The following CHRM2 variants were observed in gnomAD, a reference collection of about 807,000 sequenced individuals.
CHRM2 encodes muscarinic acetylcholine receptor M2.
A neutral mutation model predicts 25.0 loss-of-function variants in CHRM2; 8 were observed. That is an observed-to-expected ratio of 0.32 (90% confidence interval 0.19 to 0.58). The LOEUF (loss-of-function observed/expected upper bound fraction) is 0.58. Ranked by LOEUF, CHRM2 falls within the 20% of genes least tolerant of loss-of-function variation. CHRM2 has a pLI of 0.88. For missense variants in CHRM2, 440 were observed against 567.1 expected (o/e 0.78, Z 2.28); for synonymous variants, 202 against 205.7 (o/e 0.98, Z 0.15).
chr7:136,977,348 C>T (rs183108105), intron 2 of CHRM2, among the ~76,000 whole-genome samples: 1 of 152,082 alleles, frequency 6.6e-6, no homozygotes, highest in East Asian at 1.9e-4. Context: ...ATGTCCTTTG[C>T]TGATCAGCAG....
chr7:136,929,920 C>T (rs554181845), intron 2 of CHRM2, among the ~76,000 whole-genome samples: 12 of 151,980 alleles, frequency 7.9e-5, no homozygotes, highest in East Asian at 3.9e-4. Context: ...GTTAAAGAAA[C>T]CACATAGAAA....
intron 2 of CHRM2, among the ~76,000 whole-genome samples, chr7:136,978,109 G>A (rs909774790): frequency 7.9e-5 from 12 of 152,196 alleles, no homozygotes; most frequent in African/African-American, 2.6e-4. Flanking sequence ...ACTACCCATT[G>A]GGTACTATAG....
intron 2 of CHRM2, among the ~76,000 whole-genome samples, chr7:136,987,114 T>C (rs1366392811): frequency 7.1e-6 from 1 of 140,856 alleles, no homozygotes; most frequent in Non-Finnish European, 1.7e-5. Context: ...TATCCTTTCT[T>C]TTTTATTTCT....
At chr7:136,998,721 G>A (rs147712561) in intron 3 of CHRM2, among the ~76,000 whole-genome samples, 4 of 152,240 alleles carry the variant, frequency 2.6e-5, no homozygotes, top group East Asian at 1.9e-4. Context: ...CGTGAGAAAC[G>A]GAGAGGTGGT....
rs1200115971 is a variant in CHRM2, at chr7:137,017,617, T to G, written c.*1351T>G. On this transcript the variant is annotated 3_prime_UTR_variant, in exon 4 of 4. Coordinates refer to ENST00000680005, the MANE Select transcript of CHRM2 (RefSeq NM_001006630.2). Reference sequence around the variant, plus strand: ...AATTACATATTCCATATTCCTCAAATTGTCAATTCTCCCTAACATTATTTA... The same window carrying G: ...AATTACATATTCCATATTCCTCAAAGTGTCAATTCTCCCTAACATTATTTA... The G allele has an allele frequency of 1.3e-5, 2 of 151,996 alleles. No homozygotes were observed. Among genetic ancestry groups the G allele is most frequent in the African/African-American group, 4.8e-5 (2 of 41,430 alleles). The allele number at this position is 151,996 out of a possible 1,614,324, so 9.4% of individuals were successfully genotyped here. A position where few individuals can be genotyped will look rare whatever the true frequency, so the allele number is the denominator to read the frequency against.
chr7:136,938,287 C>T, intron 2 of CHRM2: 1 of 1,042,694 alleles, frequency 9.6e-7, no homozygotes, highest in Non-Finnish European at 1.5e-6. Context: ...CAGCTGCCGC[C>T]TAAGGTTGTT....
intron 2 of CHRM2, among the ~76,000 whole-genome samples, chr7:136,980,974 A>C (rs1802448185): frequency 6.6e-6 from 1 of 151,890 alleles, no homozygotes; most frequent in South Asian, 2.1e-4. Flanking sequence ...GTTACGGAGG[A>C]CTCCCTCTTT....
intron 3 of CHRM2, among the ~76,000 whole-genome samples, chr7:136,994,727 C>A (rs1237527621): frequency 6.6e-6 from 1 of 151,080 alleles, no homozygotes; most frequent in Non-Finnish European, 1.5e-5. Flanking sequence ...AAGTTATACA[C>A]AATAAAATCA....
chr7:136,935,347 G>C (rs1473622421), intron 2 of CHRM2, among the ~76,000 whole-genome samples: 1 of 152,196 alleles, frequency 6.6e-6, no homozygotes, highest in Admixed American at 6.5e-5. Flanking sequence ...GCAGGGGTCA[G>C]ATAAGGTACC....
In CHRM2 at chr7:137,019,686, T is replaced by C. The variant is rs925009533; in HGVS notation, c.*3420T>C. On this transcript the variant is annotated 3_prime_UTR_variant, in exon 4 of 4. Transcript: ENST00000680005. ...CTTCGAAACAAGAAATGATTTTCCT[T>C]TTACCAGTTCATCATTAATTTAACG... 1 of 151,876 alleles carries C rather than the reference T, an allele frequency of 6.6e-6. No homozygotes were observed. Among genetic ancestry groups the C allele is most frequent in the African/African-American group, 2.4e-5 (1 of 41,412 alleles). 9.4% of individuals were successfully genotyped at this position (151,876 alleles called of 1,614,324 possible).
chr7:136,963,068 G>A (rs1264784110), intron 2 of CHRM2, among the ~76,000 whole-genome samples: 1 of 152,148 alleles, frequency 6.6e-6, no homozygotes, highest in Non-Finnish European at 1.5e-5. Flanking sequence ...GATGTGTGAT[G>A]TTACATGGAA....
chr7:136,938,650 C>G lies in CHRM2; in HGVS notation c.-124-53537C>G, dbSNP rs567687638. On this transcript the variant is annotated intron_variant, in intron 2 of 3. Transcript: ENST00000680005. ...TCGAGGAGCTCATGCGGGCACAGGG[C>G]CCACTCGTGCAGGAGCGGCTGCTGA... The G allele has an allele frequency of 2.9e-5, 24 of 825,774 alleles. No individual in the cohort carries two copies. The East Asian group carries it at 5.5e-4, about 19-fold the overall frequency. 51.2% of individuals were successfully genotyped at this position (825,774 alleles called of 1,614,324 possible). A position where few individuals can be genotyped will look rare whatever the true frequency, so the allele number is the denominator to read the frequency against.
At chr7:136,916,429 A>T (rs970426683) in intron 2 of CHRM2, among the ~76,000 whole-genome samples, 1 of 151,786 alleles carries the variant, frequency 6.6e-6, no homozygotes, top group South Asian at 2.1e-4. Context: ...ATATCATTTT[A>T]TCTATAAGAT....
At chr7:137,001,462 T>C (rs1016213480) in intron 3 of CHRM2, among the ~76,000 whole-genome samples, 1 of 152,142 alleles carries the variant, frequency 6.6e-6, no homozygotes, top group Admixed American at 6.6e-5. Context: ...GAGGATGCTT[T>C]TTCATGAAGA....
At chr7:136,880,046 C>T (rs1222305726) in intron 2 of CHRM2, among the ~76,000 whole-genome samples, 3 of 144,782 alleles carry the variant, frequency 2.1e-5, no homozygotes, top group Non-Finnish European at 4.5e-5. Flanking sequence ...CCTCTTGGAT[C>T]TTTTTTTTTT....
At chr7:136,987,665 T>C (rs904583292) in intron 2 of CHRM2, among the ~76,000 whole-genome samples, 4 of 152,104 alleles carry the variant, frequency 2.6e-5, no homozygotes, top group African/African-American at 7.2e-5. Context: ...AAATGACAAA[T>C]GGGTGAACTA....
At position 136,892,701 on chromosome 7, in the gene CHRM2, GCT is replaced by G. The variant is rs550337346; in HGVS notation, c.-125+23286_-125+23287del. 6.7e-4 allele frequency among the ~76,000 whole-genome samples: 95 copies of G among 140,942 alleles called. No individual in the cohort carries two copies. The South Asian group carries it at 0.019, about 28-fold the overall frequency. The allele number at this position is 140,942 out of a possible 152,430, so 92.5% of individuals were successfully genotyped here. On this transcript the variant is annotated intron_variant, in intron 2 of 3. Transcript: ENST00000680005. ...TTTTTTTTTTTTGATACAGGGTCTT[GCT>G]CTGTTGCCCAAGCTGGAGTGCAGTG...
intron 2 of CHRM2, among the ~76,000 whole-genome samples, chr7:136,881,865 C>T (rs1042518908): frequency 2.6e-5 from 4 of 152,034 alleles, no homozygotes; most frequent in African/African-American, 9.7e-5. Flanking sequence ...TTCCACTTCT[C>T]TTTCTCACAT....
chr7:136,886,323 T>C (rs969280901), intron 2 of CHRM2, among the ~76,000 whole-genome samples: 2 of 152,200 alleles, frequency 1.3e-5, no homozygotes, highest in African/African-American at 4.8e-5. Context: ...CTTCAAATGG[T>C]CTGGGCTTTG....
Sources: allele counts gnomAD v4.1 joint callset (sites outside exome capture counted in the v4.1 genomes callset), GRCh38; gene constraint gnomAD v4.1.1; transcripts MANE v1.5; gene names NCBI Gene and HGNC (gene_info 2026-07-23, HGNC 2026-07-21).